The following SKAP1 variants were observed in gnomAD, a reference collection of about 807,000 sequenced individuals.
SKAP1 encodes src kinase associated phosphoprotein 1, also known as src kinase-associated phosphoprotein 1.
A neutral mutation model predicts 58.5 loss-of-function variants in SKAP1; 44 were observed. That is an observed-to-expected ratio of 0.75 (90% CI 0.59 to 0.97). SKAP1 has a LOEUF of 0.97. SKAP1 is among the 50% of genes least tolerant of loss of function. The pLI is 0.00. For missense variants in SKAP1, 390 were observed against 435.2 expected (o/e 0.90, Z 0.92); for synonymous variants, 127 against 149.7 (o/e 0.85, Z 1.11).
At chr17:48,206,687 AT>A (rs1295847834) in intron 4 of SKAP1, among the ~76,000 whole-genome samples, 1 of 152,216 alleles carries the variant, frequency 6.6e-6, no homozygotes, top group Non-Finnish European at 1.5e-5. Flanking sequence ...AACTAAAAAA[AT>A]AGCTGTCTAA....
chr17:48,250,097 A>G (rs1419741440), intron 4 of SKAP1, among the ~76,000 whole-genome samples: 1 of 150,888 alleles, frequency 6.6e-6, no homozygotes, highest in Non-Finnish European at 1.5e-5. Context: ...TAATATTTAC[A>G]TCTCATTTAC....
chr17:48,282,998 T>C (rs921905799), intron 4 of SKAP1, among the ~76,000 whole-genome samples: 1 of 152,200 alleles, frequency 6.6e-6, no homozygotes, highest in African/African-American at 2.4e-5. Flanking sequence ...AGTCACAAAC[T>C]AGTGCATTTT....
chr17:48,319,576 G>A (rs2066333742), intron 4 of SKAP1, among the ~76,000 whole-genome samples: 1 of 152,168 alleles, frequency 6.6e-6, no homozygotes. Context: ...CAGGTGTGGT[G>A]GCACACACCT....
chr17:48,269,498 T>C (rs2065599761), intron 4 of SKAP1, among the ~76,000 whole-genome samples: 1 of 152,220 alleles, frequency 6.6e-6, no homozygotes, highest in Admixed American at 6.5e-5. Flanking sequence ...AGAGTTAACC[T>C]GCTATAAGGT....
intron 4 of SKAP1, among the ~76,000 whole-genome samples, chr17:48,264,710 G>T (rs539394104): frequency 2.7e-5 from 4 of 149,322 alleles, no homozygotes; most frequent in African/African-American, 9.9e-5. Flanking sequence ...TTTAAATAAA[G>T]CAATACTTAA....
At chr17:48,284,575 A>G (rs2065806937) in intron 4 of SKAP1, among the ~76,000 whole-genome samples, 1 of 151,650 alleles carries the variant, frequency 6.6e-6, no homozygotes, top group Admixed American at 6.5e-5. Flanking sequence ...ACAGCTTCCA[A>G]AAAGCACAGT....
chr17:48,215,460 A>C (rs1261103099), intron 4 of SKAP1, among the ~76,000 whole-genome samples: 1 of 152,254 alleles, frequency 6.6e-6, no homozygotes, highest in Non-Finnish European at 1.5e-5. Context: ...GCAAGCCACA[A>C]CATATATCTG....
intron 4 of SKAP1, among the ~76,000 whole-genome samples, chr17:48,280,915 G>T (rs1015461628): frequency 1.3e-5 from 2 of 152,134 alleles, no homozygotes; most frequent in Admixed American, 6.6e-5. Flanking sequence ...TGGATACTTG[G>T]GTTCTTTTCA....
At position 48,137,849 on chromosome 17, in the gene SKAP1, G is replaced by T. The variant is rs535055406; in HGVS notation, c.979-512C>A. Among the ~76,000 whole-genome samples the T allele has an allele frequency of 5.9e-5, 9 of 152,280 alleles. No individual in the cohort carries two copies. In the East Asian group the frequency reaches 7.7e-4, roughly 13 times the overall value. ...TCAGACAGACTGAGATCTAATCCTC[G>T]CTTGGTCATTTAGTAGTCACATGAC... On this transcript the variant is annotated intron_variant, in intron 11 of 12. Coordinates refer to ENST00000336915, the MANE Select transcript of SKAP1 (RefSeq NM_003726.4).
intron 11 of SKAP1, among the ~76,000 whole-genome samples, chr17:48,137,806 G>A (rs879793000): frequency 1.3e-5 from 2 of 152,362 alleles, no homozygotes; most frequent in Non-Finnish European, 1.5e-5. Flanking sequence ...GCTTACAGCA[G>A]AGTAATGGGC....
chr17:48,418,374 A>G (rs1039789082), intron 1 of SKAP1, among the ~76,000 whole-genome samples: 7 of 152,144 alleles, frequency 4.6e-5, no homozygotes, highest in African/African-American at 1.7e-4. Context: ...ATAAAAATAT[A>G]TCTATCAATT....
intron 3 of SKAP1, among the ~76,000 whole-genome samples, chr17:48,363,094 GA>G (rs1250468337): frequency 6.6e-6 from 1 of 152,002 alleles, no homozygotes; most frequent in East Asian, 1.9e-4. Flanking sequence ...TTTGAATTCG[GA>G]AAAAAATATT....
intron 4 of SKAP1, among the ~76,000 whole-genome samples, chr17:48,248,562 G>A (rs918283648): frequency 1.3e-5 from 2 of 152,074 alleles, no homozygotes; most frequent in African/African-American, 2.4e-5. Context: ...GCAAGACTCC[G>A]TCTCAAAAAA....
intron 4 of SKAP1, among the ~76,000 whole-genome samples, chr17:48,344,944 T>G (rs2144325502): frequency 6.6e-6 from 1 of 152,330 alleles, no homozygotes; most frequent in South Asian, 2.1e-4. Context: ...GATTGCAGAC[T>G]AACAAAGAAA....
At chr17:48,274,389 C>G (rs1164755730) in intron 4 of SKAP1, among the ~76,000 whole-genome samples, 1 of 151,016 alleles carries the variant, frequency 6.6e-6, no homozygotes, top group Non-Finnish European at 1.5e-5. Flanking sequence ...GAGTGAGACT[C>G]TGCATCAAAA....
intron 9 of SKAP1, among the ~76,000 whole-genome samples, chr17:48,172,445 A>G (rs1050810507): frequency 6.6e-6 from 1 of 152,208 alleles, no homozygotes; most frequent in Non-Finnish European, 1.5e-5. Context: ...TATAATGTAA[A>G]TATGTGTACC....
chr17:48,296,550 A>G (rs1036651543), intron 4 of SKAP1, among the ~76,000 whole-genome samples: 4 of 152,206 alleles, frequency 2.6e-5, no homozygotes, highest in African/African-American at 7.2e-5. Context: ...GAATACATGT[A>G]TCTACTTTAA....
At position 48,389,105 on chromosome 17, in the gene SKAP1, C is replaced by G. The variant is rs966777179; in HGVS notation, c.152+7575G>C. On this transcript the variant is annotated intron_variant, in intron 2 of 12. Coordinates refer to ENST00000336915, the MANE Select transcript of SKAP1 (RefSeq NM_003726.4). ...ATAAACCACACTGTGATAAAAACTA[C>G]CAGAAGCTGGACGATTTAAGAATGG... Among the ~76,000 whole-genome samples the G allele has an allele frequency of 2.0e-5, 3 of 152,296 alleles. No homozygotes were observed. The East Asian group carries it at 5.8e-4, about 29-fold the overall frequency.
chr17:48,413,353 A>G (rs970854723), intron 1 of SKAP1, among the ~76,000 whole-genome samples: 26 of 150,842 alleles, frequency 1.7e-4, no homozygotes, highest in Non-Finnish European at 3.4e-4. Context: ...TGTCTCCACT[A>G]AAAATACAAA....
Sources: allele counts gnomAD v4.1 joint callset (sites outside exome capture counted in the v4.1 genomes callset), GRCh38; gene constraint gnomAD v4.1.1; transcripts MANE v1.5; gene names NCBI Gene and HGNC (gene_info 2026-07-23, HGNC 2026-07-21).